Variants in SLC1A1 observed in about 807,000 individuals in gnomAD.
SLC1A1 encodes the protein solute carrier family 1 member 1.
SLC1A1 carries 43 observed loss-of-function variants against 53.3 expected under a neutral mutation model. The ratio of observed to expected loss-of-function variants is 0.81; its 90% CI spans 0.63 to 1.04. The LOEUF (loss-of-function observed/expected upper bound fraction) is 1.04. Among genes scored for constraint, SLC1A1 ranks in the 50% least tolerant of loss-of-function variants. The pLI, the probability that SLC1A1 is intolerant of heterozygous loss-of-function variation, is 0.00. For synonymous variants in SLC1A1, 307 were observed against 243.2 expected (o/e 1.26, Z -2.44); for missense variants, 748 against 664.9 (o/e 1.12, Z -1.37).
intron 10 of SLC1A1, 111 bp from the exon 11 acceptor site, chr9:4,582,927 G>A: frequency 2.2e-6 from 3 of 1,374,538 alleles, no homozygotes; most frequent in African/African-American, 1.4e-5. Context: ...ACCCAATTTA[G>A]GGACACAGCA....
In SLC1A1 at chr9:4,556,455, G is replaced by A. The variant is rs1818397651; in HGVS notation, c.233-4994G>A. ...TCATTCTCATTTATCACCCCCTATA[G>A]GACAGCTTTCAACTCCCAGGAGAAA... On this transcript the variant is annotated intron_variant, in intron 2 of 11. Transcript: ENST00000262352. This position sits in a 1 kb window ranked among gnomAD's most constrained non-coding sequence, Gnocchi z 4.1. Among the ~76,000 whole-genome samples the A allele has an allele frequency of 6.6e-6, 1 of 152,074 alleles. No individual in the cohort carries two copies. The highest frequency in any genetic ancestry group is 1.5e-5 in the Non-Finnish European group (1 of 68,026).
intron 1 of SLC1A1, among the ~76,000 whole-genome samples, chr9:4,517,042 G>C (rs1821184010): frequency 6.6e-6 from 1 of 152,128 alleles, no homozygotes; most frequent in South Asian, 2.1e-4. Flanking sequence ...CCTAACCTGT[G>C]TTACATTATT....
intron 2 of SLC1A1, among the ~76,000 whole-genome samples, chr9:4,561,154 G>C (rs1465910700): frequency 6.6e-6 from 1 of 152,198 alleles, no homozygotes; most frequent in African/African-American, 2.4e-5. Flanking sequence ...ATGTGGGACA[G>C]GGACTCCTTA....
intron 10 of SLC1A1, among the ~76,000 whole-genome samples, chr9:4,577,211 A>G (rs1352092045): frequency 1.3e-5 from 2 of 152,216 alleles, no homozygotes; most frequent in East Asian, 3.8e-4. Flanking sequence ...GGAGGGGAAC[A>G]TTTAGCTGAA....
chr9:4,567,817 C>A, intron 6 of SLC1A1, 50 bp downstream of exon 6: 1 of 1,078,988 alleles, frequency 9.3e-7, no homozygotes, highest in South Asian at 1.3e-5. Flanking sequence ...GGCACTGAGT[C>A]ATGACTGAGC....
In SLC1A1 at chr9:4,576,562, C is replaced by T. The variant is rs1428050542; in HGVS notation, c.999-7C>T. 2 of 1,612,242 alleles carry T rather than the reference C, an allele frequency of 1.2e-6. No individual in the cohort carries two copies. Among genetic ancestry groups the T allele is most frequent in the Non-Finnish European group, 1.7e-6 (2 of 1,178,372 alleles). Reference sequence around the variant, plus strand: ...GACATAAGTTCCTTTCTATTTTTATCACACAGTTCAGCAACACTGCCTGTC... The same window carrying T: ...GACATAAGTTCCTTTCTATTTTTATTACACAGTTCAGCAACACTGCCTGTC... On this transcript the variant is annotated splice_region_variant and splice_polypyrimidine_tract_variant and intron_variant, in intron 9 of 11. Transcript: ENST00000262352.
intron 1 of SLC1A1, among the ~76,000 whole-genome samples, chr9:4,528,155 T>G (rs1416776485): frequency 6.6e-6 from 1 of 151,898 alleles, no homozygotes; most frequent in Non-Finnish European, 1.5e-5. Context: ...TTGATCAGAG[T>G]CTCCCCAAGG....
intron 3 of SLC1A1, among the ~76,000 whole-genome samples, chr9:4,562,997 T>G (rs62542123): frequency 7.0e-4 from 103 of 148,156 alleles, no homozygotes; most frequent in African/African-American, 2.5e-3. Flanking sequence ...AGGGATAGCA[T>G]TGGGAGATAT....
At chr9:4,517,327 C>A (rs1815885954) in intron 1 of SLC1A1, among the ~76,000 whole-genome samples, 1 of 152,192 alleles carries the variant, frequency 6.6e-6, no homozygotes, top group South Asian at 2.1e-4. Flanking sequence ...TTTGGGGTGG[C>A]CGTTCCTATA....
chr9:4,582,597 G>T (rs761700373), intron 10 of SLC1A1, among the ~76,000 whole-genome samples: 2 of 152,184 alleles, frequency 1.3e-5, no homozygotes, highest in African/African-American at 4.8e-5. Context: ...AAATTATTGG[G>T]TGGTGAGTAG....
At chr9:4,539,862 AC>A (rs1200986468) in intron 1 of SLC1A1, among the ~76,000 whole-genome samples, 1 of 152,050 alleles carries the variant, frequency 6.6e-6, no homozygotes, top group Non-Finnish European at 1.5e-5. Context: ...GAGCCACTGT[AC>A]CCGACCTTAC....
In SLC1A1 at chr9:4,583,653, C is replaced by A. The variant is rs552661098; in HGVS notation, c.1328+481C>A. ...AGCTTCTTGACCTCGAGCAAGTTTC[C>A]TTAACCTGAGGCCCAGTTGCATAAT... On this transcript the variant is annotated intron_variant, in intron 11 of 11. Coordinates refer to ENST00000262352, the MANE Select transcript of SLC1A1 (RefSeq NM_004170.6). The surrounding 1 kb of genome is among the most constrained non-coding windows in gnomAD (Gnocchi z 4.6). Among the ~76,000 whole-genome samples the A allele has an allele frequency of 6.6e-6, 1 of 152,174 alleles. No homozygotes were observed. The highest frequency in any genetic ancestry group is 1.5e-5 in the Non-Finnish European group (1 of 68,032).
chr9:4,576,239 C>G, intron 9 of SLC1A1, 116 bp downstream of exon 9: 1 of 994,192 alleles, frequency 1.0e-6, no homozygotes, highest in Non-Finnish European at 1.6e-6. Context: ...TGAGAAATGA[C>G]CTCCGTATTC....
intron 2 of SLC1A1, among the ~76,000 whole-genome samples, chr9:4,546,802 T>C (rs1408716112): frequency 6.6e-6 from 1 of 152,192 alleles, no homozygotes; most frequent in African/African-American, 2.4e-5. Context: ...CAGCCCAAGA[T>C]TCCTAATTTT....
chr9:4,512,866 G>T (rs369054560), intron 1 of SLC1A1, among the ~76,000 whole-genome samples: 1 of 152,110 alleles, frequency 6.6e-6, no homozygotes, highest in Non-Finnish European at 1.5e-5. Context: ...CTGGGCTCAA[G>T]AAGTCCTCCT....
chr9:4,529,472 G>A (rs1001864108), intron 1 of SLC1A1, among the ~76,000 whole-genome samples: 1 of 152,136 alleles, frequency 6.6e-6, no homozygotes, highest in East Asian at 1.9e-4. Flanking sequence ...CCATCCTTAA[G>A]GGCAGGGGAC....
chr9:4,580,009 C>G (rs934037231), intron 10 of SLC1A1, among the ~76,000 whole-genome samples: 2 of 152,032 alleles, frequency 1.3e-5, no homozygotes, highest in African/African-American at 4.8e-5. Flanking sequence ...TCACTTGAGT[C>G]CAGGAGTTCG....
chr9:4,582,088 G>C (rs1821150833), intron 10 of SLC1A1, among the ~76,000 whole-genome samples: 1 of 152,210 alleles, frequency 6.6e-6, no homozygotes, highest in Admixed American at 6.5e-5. Flanking sequence ...AGCACTGTAG[G>C]TGTGGCCTCC....
At chr9:4,548,035 A>T (rs1373501630) in intron 2 of SLC1A1, among the ~76,000 whole-genome samples, 2 of 152,120 alleles carry the variant, frequency 1.3e-5, no homozygotes, top group Non-Finnish European at 2.9e-5. Flanking sequence ...AGAAAACATG[A>T]TCTGTTCTGC....
Sources: allele counts gnomAD v4.1 joint callset (sites outside exome capture counted in the v4.1 genomes callset), GRCh38; gene constraint gnomAD v4.1.1; non-coding constraint Gnocchi (gnomAD v3.1); transcripts MANE v1.5; gene names NCBI Gene and HGNC (gene_info 2026-07-23, HGNC 2026-07-21).